UQCRH: variants seen among roughly 807,000 people sequenced by gnomAD.
UQCRH encodes cytochrome b-c1 complex subunit 6, mitochondrial.
UQCRH carries 14 observed loss-of-function variants against 16.3 expected under a neutral mutation model. That is an observed-to-expected ratio of 0.86 (90% CI 0.57 to 1.34). The LOEUF (loss-of-function observed/expected upper bound fraction) is 1.34. UQCRH is among the 40% of genes most tolerant of loss of function. The pLI is 0.00. For synonymous variants in UQCRH, 41 were observed against 41.9 expected (o/e 0.98, Z 0.08); for missense variants, 89 against 111.9 (o/e 0.80, Z 0.92).
intron 3 of UQCRH, among the ~76,000 whole-genome samples, chr1:46,315,371 G>A (rs1472032459): frequency 6.6e-6 from 1 of 151,936 alleles, no homozygotes; most frequent in Non-Finnish European, 1.5e-5. Context: ...TTGAACCTGG[G>A]AGGCAGAGGT....
At chr1:46,304,421 T>A (rs1661323093) in intron 1 of UQCRH, among the ~76,000 whole-genome samples, 1 of 151,898 alleles carries the variant, frequency 6.6e-6, no homozygotes, top group Non-Finnish European at 1.5e-5. Context: ...AATCTCGCTC[T>A]GTCGCCCAGG....
At chr1:46,306,237 C>A (rs552250960) in intron 1 of UQCRH, among the ~76,000 whole-genome samples, 1 of 152,230 alleles carries the variant, frequency 6.6e-6, no homozygotes, top group South Asian at 2.1e-4. Flanking sequence ...ATTTTTGACA[C>A]AAAATTATCA....
chr1:46,310,410 G>C (rs941498715), intron 3 of UQCRH, 94 bp downstream of exon 3: 1 of 1,563,482 alleles, frequency 6.4e-7, no homozygotes, highest in Non-Finnish European at 8.7e-7. Context: ...AGGCCCATCA[G>C]TTACTCTGGG....
chr1:46,313,642 C>CAGACAGATAGAT (rs1553173569), intron 3 of UQCRH, among the ~76,000 whole-genome samples: 2 of 145,766 alleles, frequency 1.4e-5, no homozygotes, highest in Non-Finnish European at 1.5e-5. Context: ...AAAATATAGA[C>CAGACAGATAGAT]AGATAGATAG....
intron 3 of UQCRH, among the ~76,000 whole-genome samples, chr1:46,310,933 G>A (rs1373875006): frequency 5.3e-5 from 8 of 152,012 alleles, no homozygotes; most frequent in African/African-American, 1.9e-4. Flanking sequence ...TGGGCGCGGT[G>A]GCGGGCGCCT....
chr1:46,306,647 C>T (rs1158190409), intron 1 of UQCRH, among the ~76,000 whole-genome samples: 2 of 152,184 alleles, frequency 1.3e-5, no homozygotes, highest in East Asian at 3.8e-4. Context: ...GCTGGGATTA[C>T]AGACATGAGC....
intron 1 of UQCRH, among the ~76,000 whole-genome samples, chr1:46,304,936 G>A (rs916455678): frequency 1.2e-4 from 19 of 152,126 alleles, no homozygotes; most frequent in Non-Finnish European, 2.6e-4. Context: ...GTCACTTGGG[G>A]GCAGCCATTC....
chr1:46,305,298 CAAAAAA>C (rs11444271), intron 1 of UQCRH, among the ~76,000 whole-genome samples: 2 of 65,006 alleles, frequency 3.1e-5, no homozygotes, highest in Non-Finnish European at 5.5e-5. Context: ...GACCCTGTCT[CAAAAAA>C]AAAAAAAAAA....
At chr1:46,308,850 C>G (rs1661418209) in intron 1 of UQCRH, among the ~76,000 whole-genome samples, 1 of 152,178 alleles carries the variant, frequency 6.6e-6, no homozygotes, top group African/African-American at 2.4e-5. Context: ...GCTACAAGCA[C>G]TTTGGATAGT....
intron 1 of UQCRH, among the ~76,000 whole-genome samples, chr1:46,305,440 G>A (rs1047535452): frequency 4.6e-5 from 7 of 150,950 alleles, no homozygotes; most frequent in African/African-American, 1.5e-4. Flanking sequence ...GCCGGGCGCG[G>A]TGGCTCATGC....
chr1:46,310,936 G>A (rs1333288943), intron 3 of UQCRH, among the ~76,000 whole-genome samples: 2 of 151,430 alleles, frequency 1.3e-5, no homozygotes, highest in African/African-American at 2.4e-5. Flanking sequence ...GCGCGGTGGC[G>A]GGCGCCTGTA....
rs1289803928 is a variant in UQCRH, at chr1:46,309,115, G to A, written c.69G>A (p.Glu23=). 2 of 1,612,918 alleles carry A rather than the reference G, an allele frequency of 1.2e-6. No individual in the cohort carries two copies. The highest frequency in any genetic ancestry group is 1.7e-6 in the Non-Finnish European group (2 of 1,179,688). The change falls in exon 2 of 4, where the codon GAG becomes GAA. Residue 23 remains glutamate (E), a synonymous_variant. Coordinates refer to ENST00000311672, the MANE Select transcript of UQCRH (RefSeq NM_006004.4). Reference sequence around the variant, plus strand: ...TCCTTTTGTAGGAGGAAGAGGAAGAGGAGGAATTAGTGGTAAGAACTGTCT... The same window carrying A: ...TCCTTTTGTAGGAGGAAGAGGAAGAAGAGGAATTAGTGGTAAGAACTGTCT... The part of the protein sequence containing the change: ...SGDPEEEEEE[E]EELVDPLTTV...
chr1:46,310,935 C>T (rs987151028), intron 3 of UQCRH, among the ~76,000 whole-genome samples: 2 of 152,022 alleles, frequency 1.3e-5, no homozygotes, highest in East Asian at 2.0e-4. Context: ...GGCGCGGTGG[C>T]GGGCGCCTGT....
At chr1:46,310,124 C>G in intron 2 of UQCRH, 31 bp from the exon 3 acceptor site, 1 of 1,614,024 alleles carries the variant, frequency 6.2e-7, no homozygotes, top group Non-Finnish European at 8.5e-7. Flanking sequence ...CTAAAAATGC[C>G]CATTTTGTTT....
Position 46,310,135 on chromosome 1 carries a change from T to C in UQCRH, c.82-20T>C, listed in dbSNP as rs199979488. ...TCTGCTAAAAATGCCCATTTTGTTT[T>C]TTTTCTGTTTCTACATCAGGATCCC... On this transcript the variant is annotated intron_variant, in intron 2 of 3. Coordinates refer to ENST00000311672, the MANE Select transcript of UQCRH (RefSeq NM_006004.4). 1 of 1,614,194 alleles carries C rather than the reference T, an allele frequency of 6.2e-7. No individual in the cohort carries two copies. Among genetic ancestry groups the C allele is most frequent in the East Asian group, 2.2e-5 (1 of 44,890 alleles).
intron 3 of UQCRH, among the ~76,000 whole-genome samples, chr1:46,313,147 T>C (rs1661510945): frequency 1.3e-5 from 2 of 152,124 alleles, no homozygotes; most frequent in African/African-American, 4.8e-5. Flanking sequence ...TGTACACAAA[T>C]GTTCATAGAA....
Position 46,303,829 on chromosome 1 carries a change from A to G in UQCRH, c.54+9A>G. The G allele has an allele frequency of 1.2e-6, 2 of 1,614,156 alleles. No homozygotes were observed. Among genetic ancestry groups the G allele is most frequent in the Non-Finnish European group, 1.7e-6 (2 of 1,180,004 alleles). ...CCGGAGATCCTGAGGAGGTAAGGCA[A>G]GGCGATCCACTCGGCCCTCTTCTCT... On this transcript the variant is annotated intron_variant, in intron 1 of 3. Transcript: ENST00000311672.
chr1:46,306,314 G>C (rs1286318495), intron 1 of UQCRH, among the ~76,000 whole-genome samples: 1 of 151,810 alleles, frequency 6.6e-6, no homozygotes, highest in East Asian at 1.9e-4. Context: ...TTGTATCTAC[G>C]GTCCTAATTT....
rs1229825485 is a variant in UQCRH, at chr1:46,311,947, A to T, written c.243+1631A>T. ...CCCAGCCTTTTTTTTTTTTTTTGAGATAAGGTCTTGCTTGCTCTGTCACCC... is the reference window on the plus strand; with the variant it reads ...CCCAGCCTTTTTTTTTTTTTTTGAGTTAAGGTCTTGCTTGCTCTGTCACCC... On this transcript the variant is annotated intron_variant, in intron 3 of 3. Transcript: ENST00000311672. Among the ~76,000 whole-genome samples, 7 of 122,894 alleles carry T rather than the reference A, an allele frequency of 5.7e-5. No individual in the cohort carries two copies. In the Admixed American group the frequency reaches 5.8e-4, roughly 10 times the overall value. The allele number at this position is 122,894 out of a possible 152,430, so 80.6% of individuals were successfully genotyped here. A position where few individuals can be genotyped will look rare whatever the true frequency, so the allele number is the denominator to read the frequency against.
Sources: gnomAD v4.1 joint callset for allele counts (sites outside exome capture counted in the v4.1 genomes callset) on GRCh38, gnomAD v4.1.1 for gene constraint, MANE v1.5 for transcripts, NCBI Gene and HGNC (gene_info 2026-07-23, HGNC 2026-07-21) for gene names.